BCAS3: variants seen among roughly 807,000 people sequenced by gnomAD.
BCAS3 encodes BCAS4/BCAS3 fusion.
A neutral mutation model predicts 116.1 loss-of-function variants in BCAS3; 53 were observed. That is an observed-to-expected ratio of 0.46 (90% CI 0.37 to 0.57). BCAS3 has a LOEUF of 0.57. Ranked by LOEUF, BCAS3 falls within the 20% of genes least tolerant of loss-of-function variation. BCAS3 has a pLI of 0.00. For synonymous variants in BCAS3, 391 were observed against 408.2 expected, an observed-to-expected ratio of 0.96 and a Z score of 0.51; for missense variants, 917 against 1,165.4, an observed-to-expected ratio of 0.79 and a Z score of 3.10.
chr17:60,942,195 G>T (rs1327810950), intron 13 of BCAS3, among the ~76,000 whole-genome samples: 1 of 152,192 alleles, frequency 6.6e-6, no homozygotes, highest in African/African-American at 2.4e-5. Context: ...GGAGGCTGAG[G>T]TGGGCAGATT....
At chr17:60,968,883 C>T (rs561129649) in intron 14 of BCAS3, among the ~76,000 whole-genome samples, 3 of 152,238 alleles carry the variant, frequency 2.0e-5, no homozygotes, top group South Asian at 2.1e-4. Context: ...CAGGCAGCCA[C>T]GATACTTCCT....
intron 4 of BCAS3, among the ~76,000 whole-genome samples, chr17:60,690,273 T>C (rs1452653683): frequency 6.6e-6 from 1 of 152,158 alleles, no homozygotes; most frequent in Non-Finnish European, 1.5e-5. Context: ...TTCCTTCCTT[T>C]TAAAGGCTGA....
intron 5 of BCAS3, among the ~76,000 whole-genome samples, chr17:60,740,954 A>G (rs2041488485): frequency 1.3e-5 from 2 of 152,194 alleles, no homozygotes; most frequent in African/African-American, 4.8e-5. Flanking sequence ...GGTAAAACAC[A>G]TCAGTGTGAG....
intron 9 of BCAS3, among the ~76,000 whole-genome samples, chr17:60,886,739 C>T (rs2056676083): frequency 6.6e-6 from 1 of 152,110 alleles, no homozygotes; most frequent in Non-Finnish European, 1.5e-5. Flanking sequence ...TGGGGGGTGC[C>T]TCCCAGTTAG....
At chr17:60,914,294 A>G (rs1434295751) in intron 12 of BCAS3, among the ~76,000 whole-genome samples, 1 of 152,184 alleles carries the variant, frequency 6.6e-6, no homozygotes, top group Non-Finnish European at 1.5e-5. Context: ...GCAATGGAGA[A>G]GATTCTTCCA....
intron 7 of BCAS3, among the ~76,000 whole-genome samples, chr17:60,816,453 T>G (rs1359810070): frequency 6.6e-6 from 1 of 151,940 alleles, no homozygotes. Context: ...TTTTGTATTT[T>G]TAGTAGAGAT....
intron 22 of BCAS3, among the ~76,000 whole-genome samples, chr17:61,268,494 T>A (rs1385651883): frequency 6.6e-6 from 1 of 152,170 alleles, no homozygotes; most frequent in Non-Finnish European, 1.5e-5. Context: ...GTACAACAGC[T>A]CACTAGAATT....
intron 22 of BCAS3, among the ~76,000 whole-genome samples, chr17:61,107,993 A>G (rs1477637494): frequency 6.6e-6 from 1 of 152,208 alleles, no homozygotes; most frequent in African/African-American, 2.4e-5. Flanking sequence ...TATATGAGAA[A>G]TCTACCTGTT....
In BCAS3 at chr17:61,065,540, T is replaced by C. The variant is rs2070519273; in HGVS notation, c.2030-9380T>C. ...CTGTTTCATTCAAGGCAGCATGATG[T>C]CATTTAACTGCAAATTTCTCTGTTG... On this transcript the variant is annotated intron_variant, in intron 19 of 23. Transcript: ENST00000407086. This position sits in a 1 kb window ranked among gnomAD's most constrained non-coding sequence, Gnocchi z 4.8. Among the ~76,000 whole-genome samples the C allele has an allele frequency of 6.6e-6, 1 of 152,230 alleles. No individual in the cohort carries two copies. Among genetic ancestry groups the C allele is most frequent in the Admixed American group, 6.5e-5 (1 of 15,276 alleles).
rs2058084504 is a variant in BCAS3, at chr17:61,355,338, A to G, written c.2426-12989A>G. On this transcript the variant is annotated intron_variant, in intron 22 of 23. Transcript: ENST00000407086. The surrounding 1 kb of genome is among the most constrained non-coding windows in gnomAD (Gnocchi z 4.2). Reference sequence around the variant, plus strand: ...CAGTTGAGAGCCTCGTGTTTGACTTATTTGTGGAGCACAGAAATCACAGGA... The same window carrying G: ...CAGTTGAGAGCCTCGTGTTTGACTTGTTTGTGGAGCACAGAAATCACAGGA... Among the ~76,000 whole-genome samples the G allele has an allele frequency of 6.6e-6, 1 of 152,118 alleles. No individual in the cohort carries two copies. The highest frequency in any genetic ancestry group is 2.4e-5 in the African/African-American group (1 of 41,432).
In BCAS3 at chr17:61,278,527, A is replaced by G. The variant is rs148868474; in HGVS notation, c.2426-89800A>G. Among the ~76,000 whole-genome samples, 243 of 152,332 alleles carry G rather than the reference A, an allele frequency of 1.6e-3. No homozygotes were observed. The highest frequency in any genetic ancestry group is 3.1e-3 in the Non-Finnish European group (211 of 68,032). The stretch of plus-strand genomic sequence containing the variant: ...AAAGGAATTGAATGCAGGAACAGGA[A>G]CAGATGCTTCTGCGTTCCTTGTGGC... On this transcript the variant is annotated intron_variant, in intron 22 of 23. Transcript: ENST00000407086. The surrounding 1 kb of genome is among the most constrained non-coding windows in gnomAD (Gnocchi z 5.8).
chr17:61,117,105 T>C (rs1211612381), intron 22 of BCAS3, among the ~76,000 whole-genome samples: 7 of 152,192 alleles, frequency 4.6e-5, no homozygotes, highest in Admixed American at 3.9e-4. Flanking sequence ...TCTCCACTCC[T>C]TTCGGGCTTA....
Position 61,251,389 on chromosome 17 carries a change from C to T in BCAS3, c.2426-116938C>T, listed in dbSNP as rs539634058. On this transcript the variant is annotated intron_variant, in intron 22 of 23. Transcript: ENST00000407086. The surrounding 1 kb of genome is among the most constrained non-coding windows in gnomAD (Gnocchi z 4.7). ...TTTGAGACCATCCTGGCCAATATGG[C>T]GAAACCCCGTCTCTACTAAAAATAC... Among the ~76,000 whole-genome samples, 28 of 151,924 alleles carry T rather than the reference C, an allele frequency of 1.8e-4. No homozygotes were observed. Among genetic ancestry groups the T allele is most frequent in the Admixed American group, 3.3e-4 (5 of 15,268 alleles).
In BCAS3 at chr17:60,742,244, A is replaced by G. The variant is rs539906900; in HGVS notation, c.322-4954A>G. On this transcript the variant is annotated intron_variant, in intron 5 of 23. Coordinates refer to ENST00000407086, the MANE Select transcript of BCAS3 (RefSeq NM_017679.5). ...GTGCACAAGAATCAATTGCATTACT[A>G]TCAGTTTTTGACAGCTCAGAGTATT... Among the ~76,000 whole-genome samples, 15 of 152,246 alleles carry G rather than the reference A, an allele frequency of 9.9e-5. No individual in the cohort carries two copies. The East Asian group carries it at 2.7e-3, about 27-fold the overall frequency.
chr17:60,755,797 T>C (rs1430197056), intron 6 of BCAS3, among the ~76,000 whole-genome samples: 1 of 152,222 alleles, frequency 6.6e-6, no homozygotes, highest in Non-Finnish European at 1.5e-5. Flanking sequence ...GTTTTTTCAA[T>C]TTTTAATTTT....
intron 5 of BCAS3, among the ~76,000 whole-genome samples, chr17:60,720,589 G>T (rs563084247): frequency 6.6e-6 from 1 of 152,128 alleles, no homozygotes; most frequent in East Asian, 1.9e-4. Context: ...AGTCAATATG[G>T]ATAGAAAATA....
At chr17:60,799,708 CTTTTTTTTTTTTTTTT>C (rs67510415) in intron 6 of BCAS3, among the ~76,000 whole-genome samples, 6 of 49,838 alleles carry the variant, frequency 1.2e-4, no homozygotes, top group African/African-American at 3.1e-4. Context: ...TTTTTCTTTT[CTTTTTTTTTTTTTTTT>C]TTTTTTTTTT....
intron 15 of BCAS3, chr17:61,002,822 A>C (rs2064345458): frequency 6.6e-6 from 1 of 152,126 alleles, no homozygotes; most frequent in South Asian, 2.1e-4. Context: ...CAGAGTGATT[A>C]AACTTCATTT....
chr17:60,684,111 C>T (rs893572828), intron 3 of BCAS3, 75 bp downstream of exon 3: 44 of 1,372,930 alleles, frequency 3.2e-5, no homozygotes, highest in Non-Finnish European at 3.9e-5. Context: ...CTAAACTTGA[C>T]ACTAGTACCA....
Sources: gnomAD v4.1 joint callset for allele counts (sites outside exome capture counted in the v4.1 genomes callset) on GRCh38, gnomAD v4.1.1 for gene constraint, Gnocchi (gnomAD v3.1) non-coding constraint, MANE v1.5 for transcripts, NCBI Gene and HGNC (gene_info 2026-07-23, HGNC 2026-07-21) for gene names.